Variants in BBS9 observed in about 807,000 individuals in gnomAD.
BBS9 encodes the protein Bardet-Biedl syndrome 9.
A neutral mutation model predicts 117.7 loss-of-function variants in BBS9; 89 were observed. The observed-to-expected ratio is 0.76, with a 90% CI of 0.64 to 0.90. The LOEUF (loss-of-function observed/expected upper bound fraction) is 0.90, where lower values mean the gene tolerates loss of function less well. Among genes scored for constraint, BBS9 ranks in the 40% least tolerant of loss-of-function variants. The pLI is 0.00. For synonymous variants in BBS9, 379 were observed against 370.9 expected, an observed-to-expected ratio of 1.02 and a Z score of -0.25; for missense variants, 982 against 1,042.2, an observed-to-expected ratio of 0.94 and a Z score of 0.80.
chr7:33,374,624 G>A (rs186176182), intron 17 of BBS9, among the ~76,000 whole-genome samples: 11 of 152,194 alleles, frequency 7.2e-5, no homozygotes, highest in Admixed American at 1.3e-4. Flanking sequence ...CCAAAAGGCC[G>A]GGCGTGGTGG....
chr7:33,505,326 A>C, intron 19 of BBS9, 137 bp from the exon 20 acceptor site: 1 of 872,216 alleles, frequency 1.1e-6, no homozygotes, highest in South Asian at 1.3e-5. Flanking sequence ...CTCTTTTATT[A>C]CTTAACATAG....
chr7:33,567,650 C>T (rs1857126278), intron 21 of BBS9, among the ~76,000 whole-genome samples: 1 of 152,166 alleles, frequency 6.6e-6, no homozygotes, highest in Non-Finnish European at 1.5e-5. Flanking sequence ...ATGCTGATGA[C>T]TTCTCAATTT....
At chr7:33,216,178 T>C (rs1789023392) in intron 5 of BBS9, among the ~76,000 whole-genome samples, 1 of 152,222 alleles carries the variant, frequency 6.6e-6, no homozygotes, top group African/African-American at 2.4e-5. Flanking sequence ...ATATACAATG[T>C]CATAATGTAC....
At position 33,333,711 on chromosome 7, in the gene BBS9, A is replaced by G. The variant is rs184896478; in HGVS notation, c.1017-2730A>G. On this transcript the variant is annotated intron_variant, in intron 9 of 22. Coordinates refer to ENST00000242067, the MANE Select transcript of BBS9 (RefSeq NM_198428.3). ...CTGCAACCTCTGTCTCCTGGGTTTAAGTTATTCTCCTGCCTCAGTCTCCTG... is the reference window on the plus strand; with the variant it reads ...CTGCAACCTCTGTCTCCTGGGTTTAGGTTATTCTCCTGCCTCAGTCTCCTG... Among the ~76,000 whole-genome samples, 402 of 152,004 alleles carry G rather than the reference A, an allele frequency of 2.6e-3. 2 individuals carry two copies. The highest frequency in any genetic ancestry group is 9.4e-3 in the African/African-American group (389 of 41,416).
rs1362797199 is a variant in BBS9, at chr7:33,492,209, AAAAAC to A, written c.2116-13249_2116-13245del. Among the ~76,000 whole-genome samples the A allele has an allele frequency of 8.7e-3, 1,285 of 147,812 alleles. 51 individuals carry two copies. The highest frequency in any genetic ancestry group is 0.03 in the African/African-American group (1,190 of 39,130). On this transcript the variant is annotated intron_variant, in intron 19 of 22. Coordinates refer to ENST00000242067, the MANE Select transcript of BBS9 (RefSeq NM_198428.3). The stretch of plus-strand genomic sequence containing the variant: ...CAAAGCAAGATTCCACCTCGAAAAA[AAAAAC>A]AAAAAAAAAACAAAAAAAAAACTTG...
intron 9 of BBS9, among the ~76,000 whole-genome samples, chr7:33,313,055 G>A (rs1435426822): frequency 2.6e-5 from 4 of 151,734 alleles, no homozygotes; most frequent in Admixed American, 6.6e-5. Context: ...GTGTGTGTGT[G>A]TGTGTGTGTG....
At chr7:33,358,738 C>T (rs761290959) in intron 16 of BBS9, among the ~76,000 whole-genome samples, 1 of 151,824 alleles carries the variant, frequency 6.6e-6, no homozygotes, top group Non-Finnish European at 1.5e-5. Flanking sequence ...ATTAAATCAA[C>T]CCTTTTAAAT....
chr7:33,255,306 T>C (rs1796849788), intron 5 of BBS9, among the ~76,000 whole-genome samples: 1 of 151,766 alleles, frequency 6.6e-6, no homozygotes, highest in South Asian at 2.1e-4. Flanking sequence ...ATCTTTAATC[T>C]ACTTTGAGTG....
chr7:33,619,921 C>A (rs573612408), intron 21 of BBS9, among the ~76,000 whole-genome samples: 1 of 151,904 alleles, frequency 6.6e-6, no homozygotes, highest in African/African-American at 2.4e-5. Flanking sequence ...AAATAAATAA[C>A]CTAGTGTTAC....
intron 19 of BBS9, among the ~76,000 whole-genome samples, chr7:33,395,093 T>C (rs1007101837): frequency 6.6e-6 from 1 of 152,218 alleles, no homozygotes; most frequent in Non-Finnish European, 1.5e-5. Flanking sequence ...GCGAACTGTT[T>C]GTACATGTTC....
chr7:33,628,225 T>C (rs1301229990), intron 21 of BBS9, among the ~76,000 whole-genome samples: 1 of 151,832 alleles, frequency 6.6e-6, no homozygotes, highest in African/African-American at 2.4e-5. Context: ...ACAAGGACAA[T>C]AGCAAAAGAC....
chr7:33,235,140 A>T (rs998040879), intron 5 of BBS9, among the ~76,000 whole-genome samples: 2 of 152,296 alleles, frequency 1.3e-5, no homozygotes, highest in East Asian at 3.9e-4. Context: ...AATGATTTTT[A>T]GGAGTGAGAA....
At chr7:33,584,361 T>C (rs1321847003) in intron 21 of BBS9, among the ~76,000 whole-genome samples, 1 of 152,100 alleles carries the variant, frequency 6.6e-6, no homozygotes, top group Non-Finnish European at 1.5e-5. Flanking sequence ...TCTGGAACAA[T>C]GTCAAGTAGT....
At chr7:33,369,111 G>C (rs1343090652) in intron 17 of BBS9, among the ~76,000 whole-genome samples, 1 of 152,146 alleles carries the variant, frequency 6.6e-6, no homozygotes, top group Non-Finnish European at 1.5e-5. Flanking sequence ...ATTGCTAACT[G>C]TAAGTACATA....
chr7:33,328,848 T>C (rs1435779234), intron 9 of BBS9, among the ~76,000 whole-genome samples: 2 of 152,136 alleles, frequency 1.3e-5, no homozygotes, highest in Non-Finnish European at 2.9e-5. Context: ...ACACATTTTA[T>C]AGATTGGCTT....
intron 9 of BBS9, chr7:33,276,996 G>T: frequency 4.1e-6 from 1 of 241,718 alleles, no homozygotes. Flanking sequence ...AGACTCCATG[G>T]CAGACTTGGC....
chr7:33,254,741 A>G (rs1442286552), intron 5 of BBS9, among the ~76,000 whole-genome samples: 1 of 152,182 alleles, frequency 6.6e-6, no homozygotes, highest in Admixed American at 6.5e-5. Context: ...TATTACACGT[A>G]TGAGTGAGAT....
intron 5 of BBS9, among the ~76,000 whole-genome samples, chr7:33,213,089 T>A (rs1788341210): frequency 6.6e-6 from 1 of 152,208 alleles, no homozygotes. Flanking sequence ...GTTTGTGCCC[T>A]TCCCTTCAGG....
chr7:33,421,255 C>T lies in BBS9; in HGVS notation c.2115+33111C>T, dbSNP rs867153339. Among the ~76,000 whole-genome samples the T allele has an allele frequency of 1.1e-4, 17 of 151,634 alleles. No individual in the cohort carries two copies. In the South Asian group the frequency reaches 2.9e-3, roughly 26 times the overall value. ...GTAGGTACGTCCAAGGAATTTACAG[C>T]GACTTTTACATGATTGAAGATAGAA... On this transcript the variant is annotated intron_variant, in intron 19 of 22. Transcript: ENST00000242067.
Sources: gnomAD v4.1 joint callset for allele counts (sites outside exome capture counted in the v4.1 genomes callset) on GRCh38, gnomAD v4.1.1 for gene constraint, MANE v1.5 for transcripts, NCBI Gene and HGNC (gene_info 2026-07-23, HGNC 2026-07-21) for gene names.